The following DLL3 variants were observed in gnomAD, a reference collection of about 807,000 sequenced individuals.
The protein encoded by DLL3 is delta-like protein 3.
Under a neutral mutation model 55.0 loss-of-function variants are expected in DLL3, and 49 were observed. The observed-to-expected ratio is 0.89, with a 90% CI of 0.71 to 1.13. The LOEUF (loss-of-function observed/expected upper bound fraction) is 1.13, where lower values mean the gene tolerates loss of function less well. Among genes scored for constraint, DLL3 ranks in the 50% most tolerant of loss-of-function variants. The pLI is 0.00. For missense variants in DLL3, 962 were observed against 875.5 expected, an observed-to-expected ratio of 1.10 and a Z score of -1.25; for synonymous variants, 421 against 385.2, an observed-to-expected ratio of 1.09 and a Z score of -1.09.
At chr19:39,504,048 C>T (rs1203980863) in intron 4 of DLL3, 23 bp from the exon 5 acceptor site, 1 of 1,612,150 alleles carries the variant, frequency 6.2e-7, no homozygotes, top group South Asian at 1.1e-5. Context: ...TTCCCTTTCT[C>T]TCTGCCTCTC....
chr19:39,506,291 C>A (rs2079640653), intron 6 of DLL3, among the ~76,000 whole-genome samples: 1 of 139,306 alleles, frequency 7.2e-6, no homozygotes, highest in Non-Finnish European at 1.5e-5. Flanking sequence ...TGCTTGAACT[C>A]GGGAGGCGGA....
Position 39,502,941 on chromosome 19 carries a change from A to T in DLL3, c.536A>T (p.Glu179Val). The T allele has an allele frequency of 6.9e-7, 1 of 1,442,416 alleles. No individual in the cohort carries two copies. Among genetic ancestry groups the T allele is most frequent in the South Asian group, 1.4e-5 (1 of 72,960 alleles). The allele number at this position is 1,442,416 out of a possible 1,614,324, so 89.4% of individuals were successfully genotyped here. A position where few individuals can be genotyped will look rare whatever the true frequency, so the allele number is the denominator to read the frequency against. The change falls in exon 4 of 9, where the codon GAG becomes GTG. Residue 179 changes from glutamate (E) to valine (V), a missense_variant. By Grantham distance (121) the Glu-to-Val change is moderately radical. Coordinates refer to ENST00000356433, the MANE Select transcript of DLL3 (RefSeq NM_203486.3). ...ELRFSYRARCEPPAVGTACTR... is the reference protein window; with the variant it reads ...ELRFSYRARCVPPAVGTACTR... ...CGCTTCTCGTACCGCGCGCGCTGCG[A>T]GCCGCCTGCCGTCGGGACCGCGTGC...
At chr19:39,502,297 C>A (rs1184596348) in intron 3 of DLL3, among the ~76,000 whole-genome samples, 1 of 151,764 alleles carries the variant, frequency 6.6e-6, no homozygotes, top group Admixed American at 6.6e-5. Flanking sequence ...GGGAGTCTTG[C>A]TCTGTCACCC....
At position 39,507,116 on chromosome 19, in the gene DLL3, G is replaced by T. The variant is rs745786021; in HGVS notation, c.1171G>T (p.Asp391Tyr). The change falls in exon 7 of 9, where the codon GAC becomes TAC. Residue 391 changes from aspartate (D) to tyrosine (Y), a missense_variant. Transcript: ENST00000356433. Reference protein sequence around the residue: ...AGFAGPRCEHDLDDCAGRACA... With the variant: ...AGFAGPRCEHYLDDCAGRACA... ...CTTCGCGGGTCCTCGCTGCGAGCAC[G>T]ACCTGGACGACTGCGCGGGCCGCGC... 13 of 1,535,586 alleles carry T rather than the reference G, an allele frequency of 8.5e-6. No homozygotes were observed. Among genetic ancestry groups the T allele is most frequent in the East Asian group, 4.9e-5 (2 of 40,484 alleles).
At position 39,507,292 on chromosome 19, in the gene DLL3, C is replaced by A. The variant is rs777164429; in HGVS notation, c.1347C>A (p.Ser449=). 2 of 1,547,898 alleles carry A rather than the reference C, an allele frequency of 1.3e-6. No homozygotes were observed. Among genetic ancestry groups the A allele is most frequent in the Non-Finnish European group, 1.7e-6 (2 of 1,154,258 alleles). ...GCGGCCGCTGCTACGCCCACTTCTC[C>A]GGCCTCGTCTGCGCTTGCGCTCCCG... The part of the protein sequence containing the change: ...AHGGRCYAHF[S]GLVCACAPGY... Residue 449 remains serine (S), a synonymous_variant, in exon 7 of 9, where the codon TCC becomes TCA. Transcript: ENST00000356433.
At chr19:39,500,805 G>A in intron 3 of DLL3, 133 bp downstream of exon 3, 1 of 788,304 alleles carries the variant, frequency 1.3e-6, no homozygotes, top group Non-Finnish European at 2.2e-6. Flanking sequence ...ACAGCTCCAG[G>A]GCTCTTGGCA....
Position 39,507,517 on chromosome 19 carries a change from T to A in DLL3, c.1572T>A (p.Ala524=). The A allele has an allele frequency of 6.2e-7, 1 of 1,602,442 alleles. No homozygotes were observed. The highest frequency in any genetic ancestry group is 8.5e-7 in the Non-Finnish European group (1 of 1,175,556). ...GCCGCCGTGGCCACTCCCAGGATGCTGGGTCTCGCTTGCTGGCTGGGACCC... is the reference window on the plus strand; with the variant it reads ...GCCGCCGTGGCCACTCCCAGGATGCAGGGTCTCGCTTGCTGGCTGGGACCC... ...HVRRRGHSQD[A]GSRLLAGTPE... Residue 524 remains alanine, a synonymous_variant, in exon 7 of 9, where the codon GCT becomes GCA. Coordinates refer to ENST00000356433, the MANE Select transcript of DLL3 (RefSeq NM_203486.3).
chr19:39,507,995 G>T (rs777658037), intron 8 of DLL3, 81 bp downstream of exon 8: 2 of 1,613,530 alleles, frequency 1.2e-6, no homozygotes, highest in Admixed American at 1.7e-5. Context: ...ACCCTTCCTC[G>T]ATTCTGTCCG....
chr19:39,500,703 G>T, intron 3 of DLL3, 31 bp downstream of exon 3: 2 of 1,600,018 alleles, frequency 1.2e-6, no homozygotes, highest in South Asian at 1.1e-5. Context: ...GACTGGTGGG[G>T]AGCTGGGGCC....
chr19:39,508,327 T>C lies in DLL3; in HGVS notation c.*70T>C, dbSNP rs995781326. On this transcript the variant is annotated 3_prime_UTR_variant, in exon 9 of 9. Coordinates refer to ENST00000356433, the MANE Select transcript of DLL3 (RefSeq NM_203486.3). ...TATTTGCTCGGTGGTGCCCAGTCTC[T>C]GCCCCAGAGGCTTTGGAGTTCAATC... The C allele has an allele frequency of 2.9e-5, 45 of 1,576,242 alleles. No homozygotes were observed. The Admixed American group carries it at 4.2e-4, about 15-fold the overall frequency.
At chr19:39,499,131 G>T in intron 1 of DLL3, 61 bp from the exon 2 acceptor site, 1 of 1,609,816 alleles carries the variant, frequency 6.2e-7, no homozygotes. Flanking sequence ...GAAGGAGCGT[G>T]GGGCGGACGG....
chr19:39,505,638 A>G (rs2079636334), intron 6 of DLL3, 187 bp downstream of exon 6: 1 of 630,052 alleles, frequency 1.6e-6, no homozygotes, highest in Admixed American at 2.9e-5. Flanking sequence ...ATTTACTGAG[A>G]ATTTACTGTG....
At position 39,499,058 on chromosome 19, in the gene DLL3, G is replaced by A. The variant is rs1264986561; in HGVS notation, c.69+15G>A. The A allele has an allele frequency of 6.2e-7, 1 of 1,614,142 alleles. No homozygotes were observed. Among genetic ancestry groups the A allele is most frequent in the Non-Finnish European group, 8.5e-7 (1 of 1,180,030 alleles). ...TCCTCCCCCAGGTCAGAGCCAGGTG[G>A]GAGGTGGCGTGGAAAGGGATGAATG... is the stretch of plus-strand genomic sequence containing the variant. On this transcript the variant is annotated intron_variant, in intron 1 of 8. Coordinates refer to ENST00000356433, the MANE Select transcript of DLL3 (RefSeq NM_203486.3).
chr19:39,504,836 G>T, intron 5 of DLL3, among the ~76,000 whole-genome samples: 1 of 152,022 alleles, frequency 6.6e-6, no homozygotes, highest in East Asian at 1.9e-4. Flanking sequence ...CACACTCAGG[G>T]TTCAAATACT....
chr19:39,499,019 C>T lies in DLL3; in HGVS notation c.45C>T (p.Ile15=). ...CCGGGCTCCTCTCCCAGACTGTGAT[C>T]CTAGCGCTCATTTTCCTCCCCCAGG... ...RMSGLLSQTV[I]LALIFLPQTR... The change falls in exon 1 of 9, where the codon ATC becomes ATT. Residue 15 remains isoleucine (I), a synonymous_variant. Transcript: ENST00000356433. 6.2e-7 allele frequency: 1 copy of T among 1,614,006 alleles called. No homozygotes were observed. Among genetic ancestry groups the T allele is most frequent in the Non-Finnish European group, 8.5e-7 (1 of 1,180,014 alleles).
intron 2 of DLL3, 135 bp downstream of exon 2, chr19:39,499,608 ACT>A (rs1466879109): frequency 1.8e-6 from 2 of 1,133,382 alleles, no homozygotes; most frequent in African/African-American, 1.5e-5. Context: ...CAGACCAGTA[ACT>A]CTACCGTCTG....
At position 39,507,133 on chromosome 19, in the gene DLL3, G is replaced by A. The variant is rs771693899; in HGVS notation, c.1188G>A (p.Ala396=). 9.9e-6 allele frequency: 15 copies of A among 1,518,506 alleles called. No individual in the cohort carries two copies. The highest frequency in any genetic ancestry group is 4.1e-5 in the Admixed American group (2 of 49,362). 94.1% of individuals were successfully genotyped at this position (1,518,506 alleles called of 1,614,324 possible). Residue 396 remains alanine (A), a synonymous_variant, in exon 7 of 9, where the codon GCG becomes GCA. Coordinates refer to ENST00000356433, the MANE Select transcript of DLL3 (RefSeq NM_203486.3). The stretch of plus-strand genomic sequence containing the variant: ...GCGAGCACGACCTGGACGACTGCGC[G>A]GGCCGCGCCTGCGCTAACGGCGGCA... ...PRCEHDLDDC[A]GRACANGGTC...
intron 8 of DLL3, 78 bp downstream of exon 8, chr19:39,507,992 C>T: frequency 6.2e-7 from 1 of 1,613,734 alleles, no homozygotes. Flanking sequence ...CCTACCCTTC[C>T]TCGATTCTGT....
rs760514457 is a variant in DLL3, at chr19:39,505,372, C to G, written c.1014C>G (p.Ile338Met). 27 of 1,614,036 alleles carry G rather than the reference C, an allele frequency of 1.7e-5. No individual in the cohort carries two copies. The highest frequency in any genetic ancestry group is 4.4e-5 in the South Asian group (4 of 91,086). ...GTGCAGACCCTGACTCTGCCTACAT[C>G]TGCCACTGCCCACCCGGTTTCCAAG... ...VGGADPDSAY[I>M]CHCPPGFQGS... The change falls in exon 6 of 9, where the codon ATC (isoleucine) becomes ATG (methionine). Residue 338 changes from isoleucine to methionine, a missense_variant. Ile to Met is a conservative substitution (Grantham distance 10, BLOSUM62 1). Coordinates refer to ENST00000356433, the MANE Select transcript of DLL3 (RefSeq NM_203486.3).
Sources: gnomAD v4.1 joint callset for allele counts (sites outside exome capture counted in the v4.1 genomes callset) on GRCh38, gnomAD v4.1.1 for gene constraint, MANE v1.5 for transcripts, NCBI Gene and HGNC (gene_info 2026-07-23, HGNC 2026-07-21) for gene names.